GLRX3: variants seen among roughly 807,000 people sequenced by gnomAD.
GLRX3 encodes glutaredoxin-3.
In GLRX3, 22 loss-of-function variants were observed where a neutral mutation model predicts 49.5. The observed-to-expected ratio is 0.44, with a 90% confidence interval of 0.32 to 0.63. The LOEUF (loss-of-function observed/expected upper bound fraction) is 0.63, where lower values mean the gene tolerates loss of function less well. Ranked by LOEUF, GLRX3 falls within the 30% of genes least tolerant of loss-of-function variation. The pLI is 0.05. For synonymous variants in GLRX3, 133 were observed against 140.0 expected (o/e 0.95, Z 0.35); for missense variants, 385 against 396.3 (o/e 0.97, Z 0.24).
chr10:130,144,535 A>G (rs1176086936), intron 1 of GLRX3, among the ~76,000 whole-genome samples: 2 of 144,862 alleles, frequency 1.4e-5, no homozygotes, highest in African/African-American at 5.2e-5. Context: ...TTCACCTCCC[A>G]CTTATGAATG....
intron 2 of GLRX3, among the ~76,000 whole-genome samples, chr10:130,146,586 G>T (rs941947447): frequency 3.5e-4 from 54 of 152,196 alleles, no homozygotes; most frequent in African/African-American, 1.3e-3. Context: ...TACTGGTTTA[G>T]GCAGCAGGGC....
At chr10:130,138,493 C>T (rs1031432775) in intron 1 of GLRX3, among the ~76,000 whole-genome samples, 1 of 152,132 alleles carries the variant, frequency 6.6e-6, no homozygotes, top group African/African-American at 2.4e-5. Context: ...GAGTTACTGA[C>T]TAATGGTTAG....
intron 1 of GLRX3, among the ~76,000 whole-genome samples, chr10:130,136,794 G>C (rs1460366880): frequency 6.6e-6 from 1 of 152,128 alleles, no homozygotes; most frequent in African/African-American, 2.4e-5. Context: ...CCAAGCCCGG[G>C]GGACGCGACC....
chr10:130,179,700 A>C (rs1862989584), downstream of GLRX3: 1 of 300,050 alleles, frequency 3.3e-6, no homozygotes, highest in Admixed American at 5.8e-5. Context: ...TTAGTACATG[A>C]GTATCTTCTA....
At chr10:130,154,902 A>G (rs1379904716) in intron 2 of GLRX3, among the ~76,000 whole-genome samples, 1 of 152,226 alleles carries the variant, frequency 6.6e-6, no homozygotes, top group Non-Finnish European at 1.5e-5. Flanking sequence ...TAGGCTATGA[A>G]AATGGGAACT....
chr10:130,143,669 G>T (rs1306809872), intron 1 of GLRX3, among the ~76,000 whole-genome samples: 1 of 151,860 alleles, frequency 6.6e-6, no homozygotes. Context: ...GCTGAGTACA[G>T]GCATGAGCCA....
intron 2 of GLRX3, among the ~76,000 whole-genome samples, chr10:130,146,146 A>T (rs1862266792): frequency 6.6e-6 from 1 of 152,220 alleles, no homozygotes; most frequent in Admixed American, 6.5e-5. Context: ...ACCAAATGTC[A>T]AGGTGGCTGT....
downstream of GLRX3, chr10:130,180,046 G>A (rs2134937790): frequency 6.6e-6 from 1 of 151,228 alleles, no homozygotes; most frequent in South Asian, 2.1e-4. Flanking sequence ...AGAATGGGTA[G>A]TCATGACAAA....
chr10:130,165,907 G>A (rs74160304), intron 4 of GLRX3, among the ~76,000 whole-genome samples: 2,825 of 152,334 alleles, frequency 0.019, 90 homozygotes, highest in African/African-American at 0.065. Flanking sequence ...CTCCTGATTA[G>A]TAGGAAAGTG....
chr10:130,167,934 T>C (rs1163603323), intron 6 of GLRX3, among the ~76,000 whole-genome samples: 1 of 152,196 alleles, frequency 6.6e-6, no homozygotes, highest in African/African-American at 2.4e-5. Context: ...GGTTCTTGCC[T>C]GTAGCCTGGT....
Position 130,145,242 on chromosome 10 carries a change from TG to T in GLRX3, c.127del (p.Ala43LeufsTer7). The T allele has an allele frequency of 6.5e-7, 1 of 1,533,916 alleles. No homozygotes were observed. Among genetic ancestry groups the T allele is most frequent in the Non-Finnish European group, 9.0e-7 (1 of 1,113,712 alleles). ...CCTTGTGGTCCATTTCTGGGCACCATGGGCTCCACAGTGTGCACAGATGAAC... is the reference window on the plus strand; with the variant it reads ...CCTTGTGGTCCATTTCTGGGCACCATGGCTCCACAGTGTGCACAGATGAAC... ...SLLVVHFWAP[W>X]APQCAQMNEV... is the part of the protein sequence containing the mutation. On this transcript the variant is annotated frameshift_variant, in exon 2 of 11. Coordinates refer to ENST00000331244, the MANE Select transcript of GLRX3 (RefSeq NM_006541.5). LOFTEE classifies it high-confidence loss of function.
intron 1 of GLRX3, among the ~76,000 whole-genome samples, chr10:130,144,364 A>G (rs1461313052): frequency 6.7e-6 from 1 of 148,518 alleles, no homozygotes; most frequent in Non-Finnish European, 1.5e-5. Context: ...ATAGGTATGC[A>G]TGTGCCATGG....
intron 1 of GLRX3, among the ~76,000 whole-genome samples, chr10:130,139,630 A>G: frequency 6.9e-6 from 1 of 143,956 alleles, no homozygotes; most frequent in Non-Finnish European, 1.5e-5. Flanking sequence ...CGACAGACGA[A>G]GACTCCATCT....
chr10:130,151,766 CTAT>C (rs1362898529), intron 2 of GLRX3, among the ~76,000 whole-genome samples: 1 of 152,078 alleles, frequency 6.6e-6, no homozygotes, highest in Non-Finnish European at 1.5e-5. Flanking sequence ...TTTATCCAGT[CTAT>C]TATTGTTGGT....
intron 6 of GLRX3, among the ~76,000 whole-genome samples, chr10:130,167,838 G>A (rs746497383): frequency 5.9e-5 from 9 of 152,198 alleles, no homozygotes; most frequent in African/African-American, 1.2e-4. Context: ...GCCGCATTCT[G>A]TCCTGTGGTT....
chr10:130,159,295 G>A (rs1862532613), intron 2 of GLRX3, among the ~76,000 whole-genome samples: 1 of 152,172 alleles, frequency 6.6e-6, no homozygotes, highest in Non-Finnish European at 1.5e-5. Context: ...TTTAGAAATT[G>A]TGTTACTAAA....
intron 2 of GLRX3, among the ~76,000 whole-genome samples, chr10:130,146,686 A>T (rs1284515897): frequency 6.6e-6 from 1 of 152,230 alleles, no homozygotes; most frequent in Non-Finnish European, 1.5e-5. Context: ...GATTTAAAAA[A>T]CAAATGAAAA....
intron 8 of GLRX3, among the ~76,000 whole-genome samples, chr10:130,172,562 A>G (rs1315000440): frequency 6.6e-6 from 1 of 152,258 alleles, no homozygotes; most frequent in Non-Finnish European, 1.5e-5. Context: ...CTTCAAATAA[A>G]TTACTTTCAA....
At chr10:130,161,032 T>G in intron 4 of GLRX3, 35 bp downstream of exon 4, 4 of 1,473,634 alleles carry the variant, frequency 2.7e-6, no homozygotes, top group Non-Finnish European at 3.8e-6. Context: ...ATAAACAAAA[T>G]GGGTGCTTTC....
Sources: allele counts gnomAD v4.1 joint callset (sites outside exome capture counted in the v4.1 genomes callset), GRCh38; gene constraint gnomAD v4.1.1; transcripts MANE v1.5; gene names NCBI Gene and HGNC (gene_info 2026-07-23, HGNC 2026-07-21).